The following CAMTA1 variants were observed in gnomAD, a reference collection of about 807,000 sequenced individuals.
CAMTA1 encodes calmodulin-binding transcription activator 1.
Under a neutral mutation model 170.9 loss-of-function variants are expected in CAMTA1, and 27 were observed. The ratio of observed to expected loss-of-function variants is 0.16; its 90% CI spans 0.12 to 0.22. The LOEUF is 0.22. CAMTA1 is among the 10% of genes least tolerant of loss of function. The pLI, the probability that CAMTA1 is intolerant of heterozygous loss-of-function variation, is 1.00. For synonymous variants in CAMTA1, 833 were observed against 891.5 expected (o/e 0.93, Z 1.17); for missense variants, 1,619 against 2,217.2 (o/e 0.73, Z 5.42).
rs143187578 is a variant in CAMTA1, at chr1:6,970,905, G to A, written c.235-120399G>A. Among the ~76,000 whole-genome samples the A allele has an allele frequency of 1.8e-3, 277 of 152,306 alleles. 1 individual carries two copies. Among genetic ancestry groups the A allele is most frequent in the African/African-American group, 6.3e-3 (260 of 41,564 alleles). On this transcript the variant is annotated intron_variant, in intron 3 of 22. Coordinates refer to ENST00000303635, the MANE Select transcript of CAMTA1 (RefSeq NM_015215.4). The surrounding 1 kb of genome is among the most constrained non-coding windows in gnomAD (Gnocchi z 4.4). ...GTTGCTGGCTGTGGTCCTCTGCAGG[G>A]ACCACTGCTGTGTCTGTTTCCAGCC...
chr1:7,708,532 A>G (rs2096544463), intron 11 of CAMTA1, among the ~76,000 whole-genome samples: 1 of 152,228 alleles, frequency 6.6e-6, no homozygotes, highest in Non-Finnish European at 1.5e-5. Flanking sequence ...GGAGAATGCC[A>G]GTATGATCTT....
At chr1:7,735,991 T>C (rs1268302717) in intron 12 of CAMTA1, among the ~76,000 whole-genome samples, 1 of 151,972 alleles carries the variant, frequency 6.6e-6, no homozygotes, top group Non-Finnish European at 1.5e-5. Context: ...GCCAGGCTGG[T>C]CTCGAACTCC....
intron 4 of CAMTA1, among the ~76,000 whole-genome samples, chr1:7,241,020 C>T (rs558360026): frequency 3.7e-3 from 568 of 152,132 alleles, no homozygotes; most frequent in African/African-American, 0.013. Flanking sequence ...TCACAGGTGA[C>T]TTAATTATAT....
At chr1:6,996,675 AG>A (rs1178784255) in intron 3 of CAMTA1, among the ~76,000 whole-genome samples, 1 of 150,222 alleles carries the variant, frequency 6.7e-6, no homozygotes, top group Non-Finnish European at 1.5e-5. Flanking sequence ...TCAGGCAAAA[AG>A]CTATTTAAAA....
intron 5 of CAMTA1, among the ~76,000 whole-genome samples, chr1:7,282,886 G>A (rs1313684749): frequency 6.6e-6 from 1 of 152,116 alleles, no homozygotes; most frequent in Non-Finnish European, 1.5e-5. Context: ...TCGTGACATA[G>A]CCTTTTTCTG....
chr1:7,082,413 A>G (rs545995033), intron 3 of CAMTA1, among the ~76,000 whole-genome samples: 1 of 151,942 alleles, frequency 6.6e-6, no homozygotes, highest in South Asian at 2.1e-4. Flanking sequence ...CTTCCAGCCC[A>G]GGTGACGGAG....
At chr1:7,045,278 T>A (rs1191148142) in intron 3 of CAMTA1, among the ~76,000 whole-genome samples, 1 of 152,198 alleles carries the variant, frequency 6.6e-6, no homozygotes, top group African/African-American at 2.4e-5. Context: ...CCACTGTGAC[T>A]TGGCCTCCAG....
intron 6 of CAMTA1, among the ~76,000 whole-genome samples, chr1:7,617,438 C>T (rs1020816470): frequency 6.6e-6 from 1 of 152,166 alleles, no homozygotes; most frequent in African/African-American, 2.4e-5. Context: ...GGCAATTCTT[C>T]CTGGAACCAA....
At chr1:6,872,631 T>C (rs1222331169) in intron 3 of CAMTA1, among the ~76,000 whole-genome samples, 2 of 152,254 alleles carry the variant, frequency 1.3e-5, no homozygotes, top group Admixed American at 1.3e-4. Context: ...ATTTCATGAC[T>C]GTTTTTCAAA....
intron 6 of CAMTA1, among the ~76,000 whole-genome samples, chr1:7,499,841 TGC>T (rs2093948969): frequency 6.8e-6 from 1 of 147,956 alleles, no homozygotes; most frequent in Non-Finnish European, 1.5e-5. Context: ...TATGTGTGTG[TGC>T]ATGTGTGTAC....
At chr1:7,220,300 T>C (rs763196) in intron 4 of CAMTA1, among the ~76,000 whole-genome samples, 25,624 of 152,186 alleles carry the variant, frequency 0.17, 6,432 homozygotes, top group African/African-American at 0.55. Flanking sequence ...ATCCCAGGCC[T>C]CCTCGAAGGA....
At chr1:7,086,815 A>G (rs1037621036) in intron 3 of CAMTA1, among the ~76,000 whole-genome samples, 1 of 152,168 alleles carries the variant, frequency 6.6e-6, no homozygotes, top group Non-Finnish European at 1.5e-5. Flanking sequence ...TCATTCATCC[A>G]TCTGCAGATA....
At chr1:7,694,645 G>C (rs2096355326) in intron 11 of CAMTA1, 1 of 152,604 alleles carries the variant, frequency 6.6e-6, no homozygotes, top group Non-Finnish European at 1.5e-5. Context: ...TCCATTTGCT[G>C]TGCGGGGTTG....
intron 5 of CAMTA1, among the ~76,000 whole-genome samples, chr1:7,454,222 C>T (rs1295019359): frequency 3.9e-5 from 6 of 152,222 alleles, no homozygotes; most frequent in Admixed American, 3.3e-4. Context: ...GGCGACCTCG[C>T]CTCACACTTC....
rs12068545 is a variant in CAMTA1 at position 7,491,267 on chromosome 1, C to G, written c.510+23366C>G. ...GACTCCACCCACCCTCTTTCCTGTTCATAAGGTTTCTCAAGGAGCCTCTTG... is the reference window on the plus strand; with the variant it reads ...GACTCCACCCACCCTCTTTCCTGTTGATAAGGTTTCTCAAGGAGCCTCTTG... On this transcript the variant is annotated intron_variant, in intron 6 of 22. Coordinates refer to ENST00000303635, the MANE Select transcript of CAMTA1 (RefSeq NM_015215.4). Among the ~76,000 whole-genome samples the G allele has an allele frequency of 2.8e-3, 421 of 152,296 alleles. 1 individual carries two copies. The highest frequency in any genetic ancestry group is 9.8e-3 in the African/African-American group (406 of 41,558).
At chr1:7,646,046 C>A (rs2148982006) in intron 7 of CAMTA1, among the ~76,000 whole-genome samples, 1 of 151,876 alleles carries the variant, frequency 6.6e-6, no homozygotes, top group South Asian at 2.1e-4. Flanking sequence ...AGGTGAAGGC[C>A]CTGGTGAGTT....
chr1:7,498,120 C>T (rs2093861616), intron 6 of CAMTA1, among the ~76,000 whole-genome samples: 1 of 152,076 alleles, frequency 6.6e-6, no homozygotes, highest in Non-Finnish European at 1.5e-5. Flanking sequence ...GGAAACGTCC[C>T]CTGCTCACTA....
At chr1:7,601,429 C>T (rs1279440549) in intron 6 of CAMTA1, among the ~76,000 whole-genome samples, 15 of 149,692 alleles carry the variant, frequency 1.0e-4, no homozygotes, top group South Asian at 2.1e-4. Context: ...GGATGGCGGC[C>T]GGGCAGAGAC....
At chr1:7,235,944 C>G (rs1663765458) in intron 4 of CAMTA1, among the ~76,000 whole-genome samples, 1 of 152,212 alleles carries the variant, frequency 6.6e-6, no homozygotes, top group African/African-American at 2.4e-5. Context: ...ATGGCTCTAG[C>G]TGGAATGTAT....
Sources: allele counts gnomAD v4.1 joint callset (sites outside exome capture counted in the v4.1 genomes callset), GRCh38; gene constraint gnomAD v4.1.1; non-coding constraint Gnocchi (gnomAD v3.1); transcripts MANE v1.5; gene names NCBI Gene and HGNC (gene_info 2026-07-23, HGNC 2026-07-21).